Variants in SORD observed in about 807,000 individuals in gnomAD.
SORD encodes the protein sorbitol dehydrogenase, also known as (R,R)-butanediol dehydrogenase.
Under a neutral mutation model 35.6 loss-of-function variants are expected in SORD, and 18 were observed. The ratio of observed to expected loss-of-function variants is 0.51; its 90% CI spans 0.35 to 0.75. SORD has a LOEUF of 0.75. Ranked by LOEUF, SORD falls within the 30% of genes least tolerant of loss-of-function variation. The pLI is 0.01. For synonymous variants in SORD, 106 were observed against 152.9 expected (o/e 0.69, Z 2.26); for missense variants, 250 against 390.2 (o/e 0.64, Z 3.03).
At chr15:45,049,940 G>A (rs916993569) in intron 3 of SORD, among the ~76,000 whole-genome samples, 5 of 152,214 alleles carry the variant, frequency 3.3e-5, no homozygotes, top group African/African-American at 9.7e-5. Context: ...ACAAATCACA[G>A]TAAGACTGAG....
chr15:45,026,963 T>C (rs1892681791), intron 1 of SORD, among the ~76,000 whole-genome samples: 1 of 152,254 alleles, frequency 6.6e-6, no homozygotes, highest in Non-Finnish European at 1.5e-5. Context: ...CATTCTCTTC[T>C]TTCTTGATGT....
chr15:45,068,290 G>T lies in SORD; in HGVS notation c.610+44G>T, dbSNP rs2470662. On this transcript the variant is annotated intron_variant, in intron 6 of 8. Transcript: ENST00000267814. ...TCAATCTCCTTGACTGGGAAACAGC[G>T]GGTCCTACTGTATGTGCATGTGTGA... 961 of 1,421,078 alleles carry T rather than the reference G, an allele frequency of 6.8e-4. 5 individuals carry two copies. Among genetic ancestry groups the T allele is most frequent in the East Asian group, 4.0e-3 (174 of 44,032 alleles). The allele number at this position is 1,421,078 out of a possible 1,614,324, so 88.0% of individuals were successfully genotyped here. A position where few individuals can be genotyped will look rare whatever the true frequency, so the allele number is the denominator to read the frequency against.
chr15:45,044,131 A>T (rs1353330163), intron 3 of SORD, among the ~76,000 whole-genome samples: 1 of 152,260 alleles, frequency 6.6e-6, no homozygotes, highest in Non-Finnish European at 1.5e-5. Context: ...GCAGTCAGGC[A>T]TGTGTCTTGT....
At chr15:45,027,179 G>T (rs1260700488) in intron 1 of SORD, among the ~76,000 whole-genome samples, 1 of 152,256 alleles carries the variant, frequency 6.6e-6, no homozygotes, top group Admixed American at 6.5e-5. Flanking sequence ...TTTGAATAGA[G>T]AAAGTTTGAG....
rs769907885 is a variant in SORD, at chr15:45,040,438, A to C, written c.97A>C (p.Asn33His). 6.3e-6 allele frequency: 10 copies of C among 1,584,378 alleles called. No individual in the cohort carries two copies. The South Asian group carries it at 1.1e-4, about 18-fold the overall frequency. The change falls in exon 2 of 9, where the codon AAT (asparagine) becomes CAT (histidine). Residue 33 changes from asparagine to histidine, a missense_variant. This residue lies in a region of SORD where 6 missense variants were observed against 17.3 expected (regional missense o/e 0.35). Coordinates refer to ENST00000267814, the MANE Select transcript of SORD (RefSeq NM_003104.6). ...CTATCCTATCCCTGAACCAGGCCCA[A>C]ATGGTAAGTTCTTGGGAAACATGAC... ...ENYPIPEPGPNEVLLRMHSVG... is the reference protein window; with the variant it reads ...ENYPIPEPGPHEVLLRMHSVG...
intron 2 of SORD, among the ~76,000 whole-genome samples, chr15:45,040,896 C>G (rs1312025012): frequency 6.6e-6 from 1 of 152,216 alleles, no homozygotes; most frequent in Non-Finnish European, 1.5e-5. Flanking sequence ...GCTTTCCCCA[C>G]TCCCCAGGAA....
chr15:45,065,652 G>T (rs902018971), intron 5 of SORD, among the ~76,000 whole-genome samples: 5 of 152,218 alleles, frequency 3.3e-5, no homozygotes, highest in Non-Finnish European at 5.9e-5. Flanking sequence ...GGGCACAGTG[G>T]CTCCTGCCTA....
chr15:45,027,140 G>T (rs1231097902), intron 1 of SORD, among the ~76,000 whole-genome samples: 3 of 152,258 alleles, frequency 2.0e-5, no homozygotes, highest in African/African-American at 7.2e-5. Context: ...AACAATCTGA[G>T]ACTTAAGGAT....
chr15:45,055,402 A>C (rs1285095348), intron 3 of SORD, among the ~76,000 whole-genome samples: 2 of 152,176 alleles, frequency 1.3e-5, no homozygotes, highest in Non-Finnish European at 2.9e-5. Context: ...GAAATGGATA[A>C]ATTCCTCGAC....
At chr15:45,048,502 G>A (rs568741595) in intron 3 of SORD, among the ~76,000 whole-genome samples, 1 of 152,076 alleles carries the variant, frequency 6.6e-6, no homozygotes, top group Non-Finnish European at 1.5e-5. Flanking sequence ...TGAGCCTGGG[G>A]GTTTGAGACT....
intron 1 of SORD, among the ~76,000 whole-genome samples, chr15:45,025,981 A>G (rs1229661160): frequency 6.6e-6 from 1 of 152,164 alleles, no homozygotes; most frequent in African/African-American, 2.4e-5. Context: ...AGTGAGAAGG[A>G]AAGAAGAGGA....
chr15:45,027,604 C>G (rs1303426177), intron 1 of SORD, among the ~76,000 whole-genome samples: 2 of 152,264 alleles, frequency 1.3e-5, no homozygotes, highest in South Asian at 2.1e-4. Context: ...AACACATGAA[C>G]AGTTTTCCTA....
intron 3 of SORD, among the ~76,000 whole-genome samples, chr15:45,050,275 GT>G (rs1233685334): frequency 6.6e-6 from 1 of 152,168 alleles, no homozygotes; most frequent in African/African-American, 2.4e-5. Context: ...TAGAGATGGG[GT>G]TTCACCGTGT....
intron 1 of SORD, among the ~76,000 whole-genome samples, chr15:45,029,572 T>G (rs773210988): frequency 2.8e-4 from 42 of 152,392 alleles, no homozygotes; most frequent in Non-Finnish European, 5.4e-4. Flanking sequence ...TTCCACCGTC[T>G]GCAGATGGTG....
intron 5 of SORD, among the ~76,000 whole-genome samples, chr15:45,067,428 T>C (rs1178598185): frequency 6.6e-6 from 1 of 152,234 alleles, no homozygotes; most frequent in Non-Finnish European, 1.5e-5. Flanking sequence ...TTAGTAGCCA[T>C]GTAGTTTTTA....
At chr15:45,062,780 G>C (rs571147548) in intron 4 of SORD, among the ~76,000 whole-genome samples, 2 of 132,826 alleles carry the variant, frequency 1.5e-5, no homozygotes, top group Admixed American at 7.4e-5. Context: ...AAGCCCACTG[G>C]TCTCTGCCAA....
At chr15:45,061,586 G>C (rs1325426327) in intron 4 of SORD, among the ~76,000 whole-genome samples, 1 of 151,910 alleles carries the variant, frequency 6.6e-6, no homozygotes, top group Non-Finnish European at 1.5e-5. Flanking sequence ...CAATGACCTC[G>C]GCCAGGTGTG....
At chr15:45,032,749 A>G (rs545986255) in intron 1 of SORD, among the ~76,000 whole-genome samples, 91 of 152,290 alleles carry the variant, frequency 6.0e-4, no homozygotes, top group African/African-American at 2.2e-3. Flanking sequence ...TCTACCTCCT[A>G]CTTTGACCTC....
At chr15:45,060,613 T>C (rs562636442) in intron 3 of SORD, among the ~76,000 whole-genome samples, 1 of 152,324 alleles carries the variant, frequency 6.6e-6, no homozygotes, top group East Asian at 1.9e-4. Flanking sequence ...TGTAAAGGTT[T>C]TGCTTTCTAT....
Sources: gnomAD v4.1 joint callset for allele counts (sites outside exome capture counted in the v4.1 genomes callset) on GRCh38, gnomAD v4.1.1 for gene constraint, gnomAD v4.1.1 regional missense constraint, MANE v1.5 for transcripts, NCBI Gene and HGNC (gene_info 2026-07-23, HGNC 2026-07-21) for gene names.